The following FTO variants were observed in gnomAD, a reference collection of about 807,000 sequenced individuals.
The protein encoded by FTO is alpha-ketoglutarate-dependent dioxygenase FTO.
A neutral mutation model predicts 63.9 loss-of-function variants in FTO; 47 were observed. The observed-to-expected ratio is 0.74, with a 90% CI of 0.58 to 0.94. The LOEUF (loss-of-function observed/expected upper bound fraction) is 0.94. FTO is among the 40% of genes least tolerant of loss of function. The probability of loss-of-function intolerance (pLI) is 0.00; values close to 1 mark genes in which losing one functional copy is unlikely to be tolerated. For synonymous variants in FTO, 207 were observed against 224.4 expected (o/e 0.92, Z 0.69); for missense variants, 562 against 618.1 (o/e 0.91, Z 0.96).
intron 1 of FTO, among the ~76,000 whole-genome samples, chr16:53,788,814 A>C (rs931700556): frequency 2.6e-5 from 4 of 152,078 alleles, no homozygotes; most frequent in African/African-American, 9.7e-5. Flanking sequence ...TCTATAAGTA[A>C]GTGTGTAAAT....
Position 53,983,605 on chromosome 16 carries a change from A to AACAC in FTO, c.1364+49512_1364+49515dup, listed in dbSNP as rs61573789. 3.0e-3 allele frequency among the ~76,000 whole-genome samples: 445 copies of AACAC among 150,798 alleles called. 1 individual carries two copies. Among genetic ancestry groups the AACAC allele is most frequent in the East Asian group, 0.013 (66 of 5,098 alleles). On this transcript the variant is annotated intron_variant, in intron 8 of 8. Coordinates refer to ENST00000471389, the MANE Select transcript of FTO (RefSeq NM_001080432.3). ...GCTGAGCAATTAATTCGAATTCACA[A>AACAC]ACACACACACACACACACATCAGAT...
rs577427621 is a variant in FTO, at chr16:53,896,111, G to A, written c.1239+7160G>A. 6.8e-4 allele frequency among the ~76,000 whole-genome samples: 103 copies of A among 152,280 alleles called. 1 individual carries two copies. The South Asian group carries it at 0.021, about 31-fold the overall frequency. On this transcript the variant is annotated intron_variant, in intron 7 of 8. Coordinates refer to ENST00000471389, the MANE Select transcript of FTO (RefSeq NM_001080432.3). ...ACCCTGAAATTCAAATTGATGTAAA[G>A]GTGTGAAGATCCTGCTATTTTCCCT... is the stretch of plus-strand genomic sequence containing the variant.
chr16:54,027,665 G>A (rs566133788), intron 8 of FTO, among the ~76,000 whole-genome samples: 1 of 152,246 alleles, frequency 6.6e-6, no homozygotes, highest in Admixed American at 6.5e-5. Context: ...AAGAGTAATT[G>A]GATGGTAAGT....
Position 54,041,500 on chromosome 16 carries a change from G to A in FTO, c.1365-70262G>A, listed in dbSNP as rs543090008. Among the ~76,000 whole-genome samples the A allele has an allele frequency of 2.0e-5, 3 of 152,206 alleles. No individual in the cohort carries two copies. In the East Asian group the frequency reaches 5.8e-4, roughly 29 times the overall value. ...ACTCTCCCTAGTAGACCCACCTAGC[G>A]ATTCAAAGAAATACATGGCTATGAG... On this transcript the variant is annotated intron_variant, in intron 8 of 8. Coordinates refer to ENST00000471389, the MANE Select transcript of FTO (RefSeq NM_001080432.3).
intron 4 of FTO, among the ~76,000 whole-genome samples, chr16:53,847,254 GC>G (rs1432893771): frequency 6.6e-6 from 1 of 152,150 alleles, no homozygotes; most frequent in Non-Finnish European, 1.5e-5. Flanking sequence ...CCCATGTCAG[GC>G]CAGCCCTCCT....
At chr16:53,921,239 T>TC (rs889939249) in intron 7 of FTO, among the ~76,000 whole-genome samples, 3 of 152,194 alleles carry the variant, frequency 2.0e-5, no homozygotes, top group African/African-American at 7.2e-5. Flanking sequence ...TCAAAGGCCA[T>TC]CCCTCCCTTC....
intron 2 of FTO, among the ~76,000 whole-genome samples, chr16:53,817,486 A>G (rs1464874074): frequency 6.6e-6 from 1 of 152,240 alleles, no homozygotes; most frequent in East Asian, 1.9e-4. Flanking sequence ...AAATCTATTA[A>G]CAGCTAGATT....
chr16:53,843,462 T>C (rs1351923083), intron 3 of FTO, among the ~76,000 whole-genome samples: 1 of 152,240 alleles, frequency 6.6e-6, no homozygotes, highest in Admixed American at 6.5e-5. Flanking sequence ...AATTGGAACA[T>C]ATTTTTATAT....
At chr16:53,863,383 A>G (rs541972854) in intron 4 of FTO, among the ~76,000 whole-genome samples, 55 of 152,302 alleles carry the variant, frequency 3.6e-4, no homozygotes, top group African/African-American at 1.3e-3. Flanking sequence ...AGAGATTAGT[A>G]TGGATTCCTG....
chr16:54,031,245 C>T (rs1246492615), intron 8 of FTO, among the ~76,000 whole-genome samples: 1 of 152,162 alleles, frequency 6.6e-6, no homozygotes, highest in African/African-American at 2.4e-5. Context: ...GTCTAAATGA[C>T]ACTGCAATTT....
intron 2 of FTO, among the ~76,000 whole-genome samples, chr16:53,818,479 T>C (rs2078761682): frequency 6.6e-6 from 1 of 152,098 alleles, no homozygotes; most frequent in East Asian, 1.9e-4. Context: ...TCATGAAAAT[T>C]AAGAATTTTT....
At chr16:53,890,704 G>C (rs959735056) in intron 7 of FTO, among the ~76,000 whole-genome samples, 1 of 152,150 alleles carries the variant, frequency 6.6e-6, no homozygotes, top group Non-Finnish European at 1.5e-5. Flanking sequence ...AACTGAATTG[G>C]AGTTAATGAA....
chr16:54,003,025 A>G (rs1199450747), intron 8 of FTO, among the ~76,000 whole-genome samples: 2 of 152,218 alleles, frequency 1.3e-5, no homozygotes, highest in Non-Finnish European at 2.9e-5. Flanking sequence ...CCTTGGGGAA[A>G]GAGAAAGACT....
intron 2 of FTO, among the ~76,000 whole-genome samples, chr16:53,816,456 T>C (rs906084538): frequency 6.6e-6 from 1 of 152,022 alleles, no homozygotes; most frequent in Non-Finnish European, 1.5e-5. Flanking sequence ...CTTGGGTTCC[T>C]AACTGCTTCC....
chr16:54,034,549 C>G (rs546662651), intron 8 of FTO, among the ~76,000 whole-genome samples: 6 of 152,076 alleles, frequency 3.9e-5, no homozygotes, highest in Non-Finnish European at 8.8e-5. Context: ...GTAGTGTGTC[C>G]TGGAACCTGT....
At chr16:53,892,420 A>G (rs1245159829) in intron 7 of FTO, among the ~76,000 whole-genome samples, 2 of 152,184 alleles carry the variant, frequency 1.3e-5, no homozygotes, top group African/African-American at 4.8e-5. Context: ...TGGGTTAACA[A>G]ATTCAACAGC....
chr16:53,798,775 C>T (rs548334971), intron 1 of FTO, among the ~76,000 whole-genome samples: 262 of 152,248 alleles, frequency 1.7e-3, no homozygotes, highest in African/African-American at 6.1e-3. Context: ...GTTGCACGGG[C>T]TAGAACCTTC....
At chr16:53,959,832 G>GAGGAAGA in intron 8 of FTO, among the ~76,000 whole-genome samples, 1 of 152,082 alleles carries the variant, frequency 6.6e-6, no homozygotes, top group Non-Finnish European at 1.5e-5. Flanking sequence ...TACAAGCTGG[G>GAGGAAGA]TCCTGAAGGA....
chr16:53,871,361 A>C (rs1188382061), intron 4 of FTO, among the ~76,000 whole-genome samples: 1 of 151,938 alleles, frequency 6.6e-6, no homozygotes, highest in Non-Finnish European at 1.5e-5. Flanking sequence ...TTGTTTAGCC[A>C]CTTTATTTTG....
Sources: allele counts gnomAD v4.1 joint callset (sites outside exome capture counted in the v4.1 genomes callset), GRCh38; gene constraint gnomAD v4.1.1; transcripts MANE v1.5; gene names NCBI Gene and HGNC (gene_info 2026-07-23, HGNC 2026-07-21).